Variants in ST18 observed in about 807,000 individuals in gnomAD.
The protein encoded by ST18 is ST18 C2H2C-type zinc finger transcription factor.
Under a neutral mutation model 110.0 loss-of-function variants are expected in ST18, and 50 were observed. That is an observed-to-expected ratio of 0.45 (90% CI 0.36 to 0.58). The LOEUF (loss-of-function observed/expected upper bound fraction) is 0.58, where lower values mean the gene tolerates loss of function less well. Ranked by LOEUF, ST18 falls within the 20% of genes least tolerant of loss-of-function variation. ST18 has a pLI of 0.00. For missense variants in ST18, 1,306 were observed against 1,280.1 expected, an observed-to-expected ratio of 1.02 and a Z score of -0.31; for synonymous variants, 461 against 452.4, an observed-to-expected ratio of 1.02 and a Z score of -0.24.
At chr8:52,184,726 A>C (rs1174343546) in intron 8 of ST18, among the ~76,000 whole-genome samples, 1 of 152,196 alleles carries the variant, frequency 6.6e-6, no homozygotes, top group African/African-American at 2.4e-5. Context: ...TATGTAACAT[A>C]GTTTTAAAAT....
intron 2 of ST18, among the ~76,000 whole-genome samples, chr8:52,356,465 TCA>T (rs1332487552): frequency 1.3e-5 from 2 of 152,014 alleles, no homozygotes; most frequent in Admixed American, 6.6e-5. Context: ...CAGTAACAAC[TCA>T]CAACAAGCAG....
intron 2 of ST18, among the ~76,000 whole-genome samples, chr8:52,357,169 C>T (rs368786778): frequency 3.7e-4 from 57 of 152,156 alleles, no homozygotes; most frequent in African/African-American, 1.3e-3. Context: ...GATCACATCA[C>T]GGAGTATCGA....
chr8:52,172,075 A>C lies in ST18; in HGVS notation c.786T>G (p.Ala262=), dbSNP rs1323768278. ...CATTGCCATCCAGGGGTTCTGCGAGAGCATTCTGCGGGTCTTTCCTTTCTG... is the reference window on the plus strand; with the variant it reads ...CATTGCCATCCAGGGGTTCTGCGAGCGCATTCTGCGGGTCTTTCCTTTCTG... ...SETERKDPQN[A]LAEPLDGNAQ... The change falls in exon 10 of 26, where the codon GCT becomes GCG. Residue 262 remains alanine, a synonymous_variant. Coordinates refer to ENST00000689386, the MANE Select transcript of ST18 (RefSeq NM_001352837.2). 1 of 1,614,232 alleles carries C rather than the reference A, an allele frequency of 6.2e-7. No homozygotes were observed. The highest frequency in any genetic ancestry group is 2.2e-5 in the East Asian group (1 of 44,884).
At chr8:52,134,355 A>T (rs2051094659) in intron 19 of ST18, among the ~76,000 whole-genome samples, 1 of 152,228 alleles carries the variant, frequency 6.6e-6, no homozygotes, top group Non-Finnish European at 1.5e-5. Flanking sequence ...TTAAATATAA[A>T]ATTTTACGCA....
At chr8:52,338,800 C>T (rs978495377) in intron 2 of ST18, among the ~76,000 whole-genome samples, 1 of 151,902 alleles carries the variant, frequency 6.6e-6, no homozygotes, top group Non-Finnish European at 1.5e-5. Context: ...GTGCAGTGCC[C>T]AATCACAGCC....
At chr8:52,139,860 G>T (rs568911702) in intron 17 of ST18, among the ~76,000 whole-genome samples, 138 of 152,306 alleles carry the variant, frequency 9.1e-4, no homozygotes, top group African/African-American at 3.0e-3. Flanking sequence ...GGGGAAAGTT[G>T]CAGTTTGGAA....
intron 2 of ST18, among the ~76,000 whole-genome samples, chr8:52,297,970 C>T (rs1217281751): frequency 6.6e-6 from 1 of 152,220 alleles, no homozygotes; most frequent in South Asian, 2.1e-4. Flanking sequence ...TCCCCAGTGA[C>T]ATTCCCTTTA....
At chr8:52,394,979 C>T (rs1217505526) in intron 2 of ST18, among the ~76,000 whole-genome samples, 1 of 152,146 alleles carries the variant, frequency 6.6e-6, no homozygotes, top group Non-Finnish European at 1.5e-5. Flanking sequence ...TGGATACGCA[C>T]CAAGAAGGGA....
chr8:52,136,797 G>A, intron 18 of ST18, 139 bp from the exon 19 acceptor site: 1 of 743,476 alleles, frequency 1.3e-6, no homozygotes. Context: ...CTTTGAATCT[G>A]GCTTTGCTCT....
At chr8:52,270,001 AT>A (rs1034320945) in intron 2 of ST18, among the ~76,000 whole-genome samples, 4 of 150,002 alleles carry the variant, frequency 2.7e-5, no homozygotes, top group Non-Finnish European at 5.9e-5. Flanking sequence ...GCAAAACCAC[AT>A]TTTTTCCCCC....
chr8:52,147,824 T>A (rs897488919), intron 16 of ST18, among the ~76,000 whole-genome samples: 1 of 152,208 alleles, frequency 6.6e-6, no homozygotes, highest in African/African-American at 2.4e-5. Context: ...GTGGCCTGGC[T>A]GGAGATTAAG....
At chr8:52,367,212 TGGGTGACAGAGCG>T (rs1421750656) in intron 2 of ST18, among the ~76,000 whole-genome samples, 13 of 111,250 alleles carry the variant, frequency 1.2e-4, no homozygotes, top group African/African-American at 3.5e-4. Flanking sequence ...CACTCCAGCC[TGGGTGACAGAGCG>T]GGACCCTGTC....
chr8:52,307,478 G>T (rs575663213), intron 2 of ST18, among the ~76,000 whole-genome samples: 199 of 152,234 alleles, frequency 1.3e-3, no homozygotes, highest in Middle Eastern at 3.4e-3. Context: ...TATATCATAA[G>T]AGTATTAACT....
At chr8:52,321,579 A>C (rs1803930138) in intron 2 of ST18, among the ~76,000 whole-genome samples, 1 of 152,228 alleles carries the variant, frequency 6.6e-6, no homozygotes, top group Non-Finnish European at 1.5e-5. Flanking sequence ...AGCTGCAAAC[A>C]GCTGTGAAAG....
At chr8:52,271,561 A>G (rs1370947207) in intron 2 of ST18, among the ~76,000 whole-genome samples, 1 of 152,238 alleles carries the variant, frequency 6.6e-6, no homozygotes, top group Admixed American at 6.5e-5. Context: ...AGTCATGAGT[A>G]TGAGTACCCA....
chr8:52,219,899 T>A (rs1424390158), intron 5 of ST18, among the ~76,000 whole-genome samples: 1 of 152,202 alleles, frequency 6.6e-6, no homozygotes, highest in Non-Finnish European at 1.5e-5. Flanking sequence ...ATCCTGCAAC[T>A]TTGTGCAACT....
At chr8:52,370,623 G>C (rs1015857956) in intron 2 of ST18, among the ~76,000 whole-genome samples, 1 of 152,164 alleles carries the variant, frequency 6.6e-6, no homozygotes, top group African/African-American at 2.4e-5. Context: ...AATACTCAAT[G>C]TTATTGAAAT....
chr8:52,159,167 A>G (rs1388474337), intron 14 of ST18, 58 bp from the exon 15 acceptor site: 17 of 1,510,410 alleles, frequency 1.1e-5, no homozygotes, highest in Admixed American at 2.1e-5. Context: ...CATTAAACAG[A>G]TTTGTTTTTT....
chr8:52,299,322 A>T (rs959109224), intron 2 of ST18, among the ~76,000 whole-genome samples: 1 of 151,996 alleles, frequency 6.6e-6, no homozygotes, highest in African/African-American at 2.4e-5. Context: ...CATGAATTCA[A>T]TTCTCTCTTT....
Sources: allele counts gnomAD v4.1 joint callset (sites outside exome capture counted in the v4.1 genomes callset), GRCh38; gene constraint gnomAD v4.1.1; transcripts MANE v1.5; gene names NCBI Gene and HGNC (gene_info 2026-07-23, HGNC 2026-07-21).